The following PIN4 variants were observed in gnomAD, a reference collection of about 807,000 sequenced individuals.
The protein encoded by PIN4 is peptidylprolyl cis/trans isomerase, NIMA-interacting 4.
PIN4 carries 3 observed loss-of-function variants against 8.3 expected under a neutral mutation model. The ratio of observed to expected loss-of-function variants is 0.36; its 90% CI spans 0.16 to 0.93. The LOEUF (loss-of-function observed/expected upper bound fraction) is 0.93. PIN4 is among the 40% of genes least tolerant of loss of function. The pLI is 0.44. For missense variants in PIN4, 75 were observed against 100.6 expected (o/e 0.75, Z 1.09); for synonymous variants, 18 against 32.5 (o/e 0.55, Z 1.52).
intron 3 of PIN4, among the ~76,000 whole-genome samples, chrX:72,257,836 T>C (rs1467432172): frequency 1.8e-5 from 2 of 111,494 alleles, no homozygotes; most frequent in Admixed American, 1.9e-4. Flanking sequence ...AGGGCTGTTG[T>C]GAAGATTTAA....
At chrX:72,263,530 T>G (rs1310840228) in exon 4 of PIN4, 1 of 111,874 alleles carries the variant, frequency 8.9e-6, no homozygotes, top group Non-Finnish European at 1.9e-5. Context: ...CTGTTGTCTT[T>G]CTATTGAAAA....
At chrX:72,212,143 G>C (rs750808705) in intron 3 of PIN4, among the ~76,000 whole-genome samples, 4 of 110,452 alleles carry the variant, frequency 3.6e-5, no homozygotes, top group Non-Finnish European at 7.6e-5. Context: ...CGGGCATGGT[G>C]GTGGGTGCCT....
intron 3 of PIN4, among the ~76,000 whole-genome samples, chrX:72,248,291 GAAAAAAAAAAAAAAAAAAAAAAAA>G (rs55908553): frequency 7.1e-4 from 39 of 54,900 alleles, no homozygotes; most frequent in Non-Finnish European, 1.2e-3. Flanking sequence ...GCTCCATCCA[GAAAAAAAAAAAAAAAAAAAAAAAA>G]AAAAAAAAAA....
intron 2 of PIN4, among the ~76,000 whole-genome samples, chrX:72,192,522 G>A (rs186367972): frequency 1.7e-3 from 191 of 111,532 alleles, no homozygotes; most frequent in African/African-American, 5.8e-3. Flanking sequence ...ACTCTCTCCT[G>A]CCTTGGTTTG....
intron 3 of PIN4, among the ~76,000 whole-genome samples, chrX:72,261,296 G>GGA (rs2043138794): frequency 2.2e-5 from 1 of 46,025 alleles, no homozygotes; most frequent in East Asian, 6.3e-4. Context: ...CTCCGTCTCA[G>GGA]AAAAAAAAAA....
downstream of PIN4, among the ~76,000 whole-genome samples, chrX:72,200,301 G>A (rs2042785414): frequency 8.9e-6 from 1 of 111,953 alleles, no homozygotes. Flanking sequence ...CTTATTCATT[G>A]TAAAATAATT....
At chrX:72,188,329 G>A (rs1025142396) in intron 2 of PIN4, among the ~76,000 whole-genome samples, 1 of 112,063 alleles carries the variant, frequency 8.9e-6, no homozygotes, top group South Asian at 3.7e-4. Flanking sequence ...CTAAGAGACT[G>A]TTGCACTGCA....
At chrX:72,248,291 G>GAAAAAAAAAAAAA in intron 3 of PIN4, among the ~76,000 whole-genome samples, 1 of 54,899 alleles carries the variant, frequency 1.8e-5, no homozygotes, top group Non-Finnish European at 4.2e-5. Context: ...GCTCCATCCA[G>GAAAAAAAAAAAAA]AAAAAAAAAA....
At chrX:72,209,849 TG>T (rs1291339448) in intron 3 of PIN4, among the ~76,000 whole-genome samples, 1 of 111,603 alleles carries the variant, frequency 9.0e-6, no homozygotes, top group Non-Finnish European at 1.9e-5. Context: ...AATAATTCAC[TG>T]GGGAAGAAGT....
intron 2 of PIN4, among the ~76,000 whole-genome samples, chrX:72,191,237 G>C (rs1347175251): frequency 9.0e-6 from 1 of 110,785 alleles, no homozygotes; most frequent in Non-Finnish European, 1.9e-5. Flanking sequence ...TCTCTTGGAG[G>C]GGGGCCTGGA....
chrX:72,191,187 C>T (rs1023233507), intron 2 of PIN4, among the ~76,000 whole-genome samples: 4 of 110,007 alleles, frequency 3.6e-5, no homozygotes, highest in Admixed American at 1.9e-4. Flanking sequence ...TAAAAAAATA[C>T]GAGTGCCTAG....
At chrX:72,238,005 G>A (rs1239966846) in intron 3 of PIN4, 1 of 111,226 alleles carries the variant, frequency 9.0e-6, no homozygotes, top group Non-Finnish European at 1.9e-5. Context: ...ATGGTTGCTA[G>A]GGGCTGAAGG....
exon 4 of PIN4, chrX:72,262,881 T>A: frequency 1.8e-6 from 1 of 541,990 alleles, no homozygotes; most frequent in Non-Finnish European, 3.0e-6. Context: ...ATTTTCTGAC[T>A]TTGTCCCCTT....
chrX:72,198,413 C>T (rs938463164), downstream of PIN4: 1 of 550,236 alleles, frequency 1.8e-6, no homozygotes, highest in African/African-American at 2.5e-5. Context: ...ATTATACCCA[C>T]TTATATAATG....
chrX:72,189,890 G>T (rs762793278), intron 2 of PIN4, among the ~76,000 whole-genome samples: 160 of 110,871 alleles, frequency 1.4e-3, no homozygotes, highest in African/African-American at 5.1e-3. Flanking sequence ...GGGACCCTGG[G>T]ACCCTCTGGC....
At chrX:72,205,315 A>T (rs774071692) in intron 3 of PIN4, 10 of 1,212,013 alleles carry the variant, frequency 8.3e-6, no homozygotes, top group Non-Finnish European at 8.9e-6. Context: ...TTCTGAAGAC[A>T]GTGTTTCTCC....
At chrX:72,205,425 A>G (rs369205278) in intron 3 of PIN4, 4 of 1,210,437 alleles carry the variant, frequency 3.3e-6, no homozygotes, top group East Asian at 5.9e-5. Flanking sequence ...TGCTGTCGTC[A>G]AGTCTTTCCT....
intron 1 of PIN4, 120 bp downstream of exon 1, chrX:72,181,948 T>G: frequency 1.9e-6 from 1 of 517,332 alleles, no homozygotes. Flanking sequence ...CCCACAGTGC[T>G]GCCATCGATT....
At chrX:72,208,651 T>C in intron 3 of PIN4, 1 of 1,208,993 alleles carries the variant, frequency 8.3e-7, no homozygotes, top group South Asian at 1.8e-5. Context: ...TTTAAATGCT[T>C]CTTCCAGGTC....
Sources: allele counts gnomAD v4.1 joint callset (sites outside exome capture counted in the v4.1 genomes callset), GRCh38; gene constraint gnomAD v4.1.1; transcripts MANE v1.5; gene names NCBI Gene and HGNC (gene_info 2026-07-23, HGNC 2026-07-21).